BTAF1: variants seen among roughly 807,000 people sequenced by gnomAD.
The protein encoded by BTAF1 is B-TFIID TATA-box binding protein associated factor 1.
BTAF1 carries 38 observed loss-of-function variants against 227.1 expected under a neutral mutation model. The ratio of observed to expected loss-of-function variants is 0.17; its 90% CI spans 0.13 to 0.22. The LOEUF is 0.22. BTAF1 is among the 10% of genes least tolerant of loss of function. The pLI is 1.00. For synonymous variants in BTAF1, 742 were observed against 751.9 expected, an observed-to-expected ratio of 0.99 and a Z score of 0.21; for missense variants, 1,598 against 2,204.0, an observed-to-expected ratio of 0.73 and a Z score of 5.51.
At chr10:91,975,823 T>G (rs1218241021) in intron 14 of BTAF1, among the ~76,000 whole-genome samples, 2 of 152,246 alleles carry the variant, frequency 1.3e-5, no homozygotes, top group Non-Finnish European at 2.9e-5. Context: ...ATGCCAAATC[T>G]GCCAGTTAGG....
chr10:91,934,177 CTT>C (rs1844443453), intron 1 of BTAF1, among the ~76,000 whole-genome samples: 1 of 151,960 alleles, frequency 6.6e-6, no homozygotes, highest in Non-Finnish European at 1.5e-5. Context: ...GTATTACTCT[CTT>C]TGTATGACTA....
intron 14 of BTAF1, among the ~76,000 whole-genome samples, chr10:91,971,184 T>C (rs1847273201): frequency 6.6e-6 from 1 of 152,232 alleles, no homozygotes; most frequent in African/African-American, 2.4e-5. Flanking sequence ...TTCATAACTT[T>C]TCAATGGCAT....
At chr10:91,978,868 C>G (rs1026192326) in intron 14 of BTAF1, among the ~76,000 whole-genome samples, 1 of 120,046 alleles carries the variant, frequency 8.3e-6, no homozygotes, top group Non-Finnish European at 1.6e-5. Context: ...GGTACATGTA[C>G]AGGTTTGCTA....
intron 8 of BTAF1, among the ~76,000 whole-genome samples, chr10:91,958,444 G>A (rs1160885795): frequency 1.3e-5 from 2 of 152,104 alleles, no homozygotes; most frequent in South Asian, 2.1e-4. Flanking sequence ...GCTCATGCCT[G>A]TAATCCTAGC....
At chr10:91,957,674 AAT>A (rs1371976868) in intron 8 of BTAF1, among the ~76,000 whole-genome samples, 1 of 152,184 alleles carries the variant, frequency 6.6e-6, no homozygotes, top group Non-Finnish European at 1.5e-5. Context: ...AACAGTTCCC[AAT>A]GTGTAGAAGA....
chr10:92,026,831 A>C (rs1851549300), intron 36 of BTAF1, 80 bp downstream of exon 36: 2 of 1,443,248 alleles, frequency 1.4e-6, no homozygotes, highest in East Asian at 4.8e-5. Flanking sequence ...ACCTTGGTTT[A>C]GTTCTTGCTC....
intron 25 of BTAF1, among the ~76,000 whole-genome samples, chr10:92,001,979 TATATATACACACAC>T (rs1849571142): frequency 2.3e-5 from 2 of 86,258 alleles, no homozygotes; most frequent in Non-Finnish European, 5.5e-5. Flanking sequence ...CATATATATA[TATATATACACACAC>T]ACACACACAC....
intron 4 of BTAF1, among the ~76,000 whole-genome samples, chr10:91,949,067 T>C (rs1845576150): frequency 6.6e-6 from 1 of 152,100 alleles, no homozygotes; most frequent in South Asian, 2.1e-4. Flanking sequence ...TCCTAGCACT[T>C]TGGGAGGCCG....
intron 11 of BTAF1, among the ~76,000 whole-genome samples, 176 bp downstream of exon 11, chr10:91,960,330 T>C (rs1293858538): frequency 6.6e-6 from 1 of 152,212 alleles, no homozygotes; most frequent in Non-Finnish European, 1.5e-5. Flanking sequence ...AGAATTTAAG[T>C]ATAAATCAAA....
At chr10:91,961,171 A>G (rs948953831) in intron 11 of BTAF1, among the ~76,000 whole-genome samples, 1 of 152,196 alleles carries the variant, frequency 6.6e-6, no homozygotes, top group Non-Finnish European at 1.5e-5. Context: ...GACGAAAAAG[A>G]AGAGACGTGG....
At chr10:91,924,146 C>T in intron 1 of BTAF1, 56 bp downstream of exon 1, 2 of 1,587,108 alleles carry the variant, frequency 1.3e-6, no homozygotes, top group South Asian at 1.1e-5. Flanking sequence ...GGCATGGTCT[C>T]CTCTTAGAGC....
chr10:92,007,504 C>G (rs985369257), intron 25 of BTAF1, among the ~76,000 whole-genome samples: 3 of 152,014 alleles, frequency 2.0e-5, no homozygotes, highest in African/African-American at 2.4e-5. Flanking sequence ...ATTACTGGTG[C>G]GAGCCACCAT....
At chr10:91,999,906 G>T (rs1452265640) in intron 25 of BTAF1, among the ~76,000 whole-genome samples, 10 of 151,932 alleles carry the variant, frequency 6.6e-5, no homozygotes, top group East Asian at 3.9e-4. Context: ...GAAAAATAAA[G>T]AAATTACCAT....
intron 20 of BTAF1, among the ~76,000 whole-genome samples, chr10:91,991,544 A>C (rs1848754689): frequency 6.6e-6 from 1 of 150,498 alleles, no homozygotes; most frequent in Non-Finnish European, 1.5e-5. Flanking sequence ...TGAGCTCAGG[A>C]GTTTGAGACC....
chr10:91,939,352 T>A (rs1844845537), intron 2 of BTAF1, among the ~76,000 whole-genome samples: 1 of 152,252 alleles, frequency 6.6e-6, no homozygotes, highest in Admixed American at 6.5e-5. Flanking sequence ...TATTAAGTAA[T>A]GGGACTTAAT....
chr10:91,997,308 T>A, intron 24 of BTAF1: 1 of 533,606 alleles, frequency 1.9e-6, no homozygotes, highest in Non-Finnish European at 3.0e-6. Context: ...CAGACGCTTG[T>A]AGCAATTTCT....
At chr10:92,028,511 A>G (rs1306522084) in intron 37 of BTAF1, among the ~76,000 whole-genome samples, 3 of 152,166 alleles carry the variant, frequency 2.0e-5, no homozygotes, top group African/African-American at 7.2e-5. Flanking sequence ...TATATTTCTG[A>G]CATCCATATA....
intron 13 of BTAF1, among the ~76,000 whole-genome samples, chr10:91,966,021 A>G (rs976080472): frequency 6.6e-6 from 1 of 152,250 alleles, no homozygotes; most frequent in African/African-American, 2.4e-5. Flanking sequence ...CGAATGTGAC[A>G]GGAATCCTGT....
At chr10:91,953,074 G>A (rs1244991532) in intron 5 of BTAF1, among the ~76,000 whole-genome samples, 1 of 152,156 alleles carries the variant, frequency 6.6e-6, no homozygotes, top group African/African-American at 2.4e-5. Context: ...GCTTATATAT[G>A]TGCCCATGGT....
Sources: gnomAD v4.1 joint callset for allele counts (sites outside exome capture counted in the v4.1 genomes callset) on GRCh38, gnomAD v4.1.1 for gene constraint, MANE v1.5 for transcripts, NCBI Gene and HGNC (gene_info 2026-07-23, HGNC 2026-07-21) for gene names.